The following GRK2 variants were observed in gnomAD, a reference collection of about 807,000 sequenced individuals.
The protein encoded by GRK2 is G protein-coupled receptor kinase 2.
A neutral mutation model predicts 97.8 loss-of-function variants in GRK2; 23 were observed. That is an observed-to-expected ratio of 0.24 (90% CI 0.17 to 0.33). The LOEUF (loss-of-function observed/expected upper bound fraction) is 0.33, where lower values mean the gene tolerates loss of function less well. Ranked by LOEUF, GRK2 falls within the 10% of genes least tolerant of loss-of-function variation. The pLI is 1.00. For missense variants in GRK2, 633 were observed against 956.9 expected, an observed-to-expected ratio of 0.66 and a Z score of 4.47; for synonymous variants, 425 against 381.7, an observed-to-expected ratio of 1.11 and a Z score of -1.32.
At position 67,282,215 on chromosome 11, in the gene GRK2, C is replaced by A; in HGVS notation, c.958-56C>A. ...AAGCAGTGACCCAGCTGGCATCTTG[C>A]CTGGCTGGGCCCCATCCTGAGCTGC... is the stretch of plus-strand genomic sequence containing the variant. On this transcript the variant is annotated intron_variant, in intron 11 of 20. Coordinates refer to ENST00000308595, the MANE Select transcript of GRK2 (RefSeq NM_001619.5). The surrounding 1 kb of genome is among the most constrained non-coding windows in gnomAD (Gnocchi z 6.9). 1 of 1,539,476 alleles carries A rather than the reference C, an allele frequency of 6.5e-7. No individual in the cohort carries two copies. Among genetic ancestry groups the A allele is most frequent in the South Asian group, 1.1e-5 (1 of 88,360 alleles).
intron 1 of GRK2, among the ~76,000 whole-genome samples, chr11:67,272,921 G>A (rs1859941849): frequency 6.6e-6 from 1 of 152,232 alleles, no homozygotes; most frequent in African/African-American, 2.4e-5. Context: ...GCAGAGGCTT[G>A]AGCAAGACCA....
At chr11:67,284,464 GC>G in intron 18 of GRK2, 91 bp downstream of exon 18, 3 of 1,441,532 alleles carry the variant, frequency 2.1e-6, no homozygotes, top group Non-Finnish European at 2.8e-6. Flanking sequence ...CTGGATCACA[GC>G]CAGAAAGTGG....
In GRK2 at chr11:67,286,088, C is replaced by G. The variant is rs1180777777; in HGVS notation, c.*638C>G. On this transcript the variant is annotated 3_prime_UTR_variant, in exon 21 of 21. Transcript: ENST00000308595. ...TTGGCAGCAGGTGCTGCTACCCTCC[C>G]TGCTGTCCCCTCTTGCCCCAACCCC... The G allele has an allele frequency of 7.9e-6, 3 of 380,292 alleles. No homozygotes were observed. Among genetic ancestry groups the G allele is most frequent in the East Asian group, 1.1e-4 (2 of 18,124 alleles). The allele number at this position is 380,292 out of a possible 1,614,324, so 23.6% of individuals were successfully genotyped here. A position where few individuals can be genotyped will look rare whatever the true frequency, so the allele number is the denominator to read the frequency against.
chr11:67,280,056 T>G (rs1404685686), intron 6 of GRK2, 156 bp downstream of exon 6: 1 of 709,142 alleles, frequency 1.4e-6, no homozygotes, highest in Non-Finnish European at 2.5e-6. Flanking sequence ...TCCTGAGAAG[T>G]CAGACAGGCT....
At chr11:67,267,589 C>T (rs1437421416) in intron 1 of GRK2, among the ~76,000 whole-genome samples, 1 of 152,240 alleles carries the variant, frequency 6.6e-6, no homozygotes, top group Non-Finnish European at 1.5e-5. Context: ...ACCAGGGGCC[C>T]TCCCAGCACA....
At position 67,285,609 on chromosome 11, in the gene GRK2, C is replaced by A; in HGVS notation, c.*159C>A. On this transcript the variant is annotated 3_prime_UTR_variant, in exon 21 of 21. Transcript: ENST00000308595. ...CGGGAGGGGCCCGCTTGCCTCGGCT[C>A]CTGCTGCACCAACCCAGCCGCTGCC... The A allele has an allele frequency of 1.1e-6, 1 of 938,112 alleles. No homozygotes were observed. Among genetic ancestry groups the A allele is most frequent in the Non-Finnish European group, 1.5e-6 (1 of 658,372 alleles). The allele number at this position is 938,112 out of a possible 1,614,324, so 58.1% of individuals were successfully genotyped here. A position where few individuals can be genotyped will look rare whatever the true frequency, so the allele number is the denominator to read the frequency against.
At position 67,269,289 on chromosome 11, in the gene GRK2, G is replaced by A. The variant is rs1859860428; in HGVS notation, c.113+2477G>A. Among the ~76,000 whole-genome samples the A allele has an allele frequency of 6.6e-6, 1 of 151,694 alleles. No individual in the cohort carries two copies. Among genetic ancestry groups the A allele is most frequent in the South Asian group, 2.1e-4 (1 of 4,830 alleles). On this transcript the variant is annotated intron_variant, in intron 1 of 20. Coordinates refer to ENST00000308595, the MANE Select transcript of GRK2 (RefSeq NM_001619.5). This position sits in a 1 kb window ranked among gnomAD's most constrained non-coding sequence, Gnocchi z 4.1. The stretch of plus-strand genomic sequence containing the variant: ...ACTCTGTTTTGTCCTTTTGACAACT[G>A]TGAGAGGCAGGCCCAGCAGTTAGGA...
At chr11:67,272,850 C>T (rs190334874) in intron 1 of GRK2, among the ~76,000 whole-genome samples, 158 of 152,356 alleles carry the variant, frequency 1.0e-3, no homozygotes, top group African/African-American at 3.6e-3. Flanking sequence ...CTCGGCTCAG[C>T]CCTGGCCACA....
Position 67,285,168 on chromosome 11 carries a change from C to T in GRK2, c.1885C>T (p.Gln629Ter). 1 of 1,613,558 alleles carries T rather than the reference C, an allele frequency of 6.2e-7. No homozygotes were observed. Among genetic ancestry groups the T allele is most frequent in the Non-Finnish European group, 8.5e-7 (1 of 1,179,952 alleles). The change falls in exon 20 of 21, where the codon CAG becomes TAG. Residue 629 changes from glutamine (Q) to a stop codon, truncating the protein, a stop_gained. Coordinates refer to ENST00000308595, the MANE Select transcript of GRK2 (RefSeq NM_001619.5). LOFTEE classifies it high-confidence loss of function. Reference sequence around the variant, plus strand: ...GCTCCTCAAGATCCGCGGTGGGAAACAGTTCATTTTGCAGTGCGATGTGAG... The same window carrying T: ...GCTCCTCAAGATCCGCGGTGGGAAATAGTTCATTTTGCAGTGCGATGTGAG... ...CLLLKIRGGKQFILQCDSDPE... is the reference protein window; with the variant it reads ...CLLLKIRGGK
At chr11:67,283,267 C>A in intron 15 of GRK2, 39 bp downstream of exon 15, 1 of 1,559,122 alleles carries the variant, frequency 6.4e-7, no homozygotes, top group Non-Finnish European at 8.8e-7. Context: ...GCTGGCTGTG[C>A]CCCCATGAGG....
chr11:67,281,311 C>T lies in GRK2; in HGVS notation c.647+127C>T. On this transcript the variant is annotated intron_variant, in intron 8 of 20. Coordinates refer to ENST00000308595, the MANE Select transcript of GRK2 (RefSeq NM_001619.5). This position sits in a 1 kb window ranked among gnomAD's most constrained non-coding sequence, Gnocchi z 5.7. ...CTCCTGTCTTGCCGTGCTGTTACCC[C>T]CGCAGGCTCCTCTGGCCCCAGCCCT... is the stretch of plus-strand genomic sequence containing the variant. The T allele has an allele frequency of 9.3e-7, 1 of 1,076,748 alleles. No homozygotes were observed. Among genetic ancestry groups the T allele is most frequent in the East Asian group, 2.5e-5 (1 of 39,640 alleles). 66.7% of individuals were successfully genotyped at this position (1,076,748 alleles called of 1,614,324 possible).
Position 67,283,864 on chromosome 11 carries a change from C to G in GRK2, c.1406C>G (p.Pro469Arg). The change falls in exon 17 of 21, where the codon CCG becomes CGG. Residue 469 changes from proline (P) to arginine (R), a missense_variant. Physicochemically the swap from Pro to Arg is moderately radical, Grantham distance 103. Around this residue, in one of 4 missense-constraint regions of GRK2, gnomAD observed 68 missense variants for 71.0 expected, o/e 0.96. Coordinates refer to ENST00000308595, the MANE Select transcript of GRK2 (RefSeq NM_001619.5). ...CCTGTTCTGCTGCAGTACCCTCCCCCGCTGATCCCCCCACGAGGGGAGGTG... is the reference window on the plus strand; with the variant it reads ...CCTGTTCTGCTGCAGTACCCTCCCCGGCTGATCCCCCCACGAGGGGAGGTG... ...QMVFLQKYPP[P>R]LIPPRGEVNA... 1 of 1,613,058 alleles carries G rather than the reference C, an allele frequency of 6.2e-7. No individual in the cohort carries two copies. Among genetic ancestry groups the G allele is most frequent in the Non-Finnish European group, 8.5e-7 (1 of 1,179,788 alleles).
rs772047949 is a variant in GRK2, at chr11:67,266,829, C to A, written c.113+17C>A. ...CGAGCCCAGGTGAGGAGAAGCTGCCCGCGGCCCCGGCCCGACCCCGCGGGC... is the reference window on the plus strand; with the variant it reads ...CGAGCCCAGGTGAGGAGAAGCTGCCAGCGGCCCCGGCCCGACCCCGCGGGC... On this transcript the variant is annotated intron_variant, in intron 1 of 20. Transcript: ENST00000308595. The A allele has an allele frequency of 4.1e-6, 5 of 1,219,982 alleles. No individual in the cohort carries two copies. In the South Asian group the frequency reaches 1.4e-4, roughly 33 times the overall value. 75.6% of individuals were successfully genotyped at this position (1,219,982 alleles called of 1,614,324 possible).
chr11:67,279,665 C>G lies in GRK2; in HGVS notation c.406C>G (p.Leu136Val). The G allele has an allele frequency of 6.2e-7, 1 of 1,613,624 alleles. No homozygotes were observed. Among genetic ancestry groups the G allele is most frequent in the East Asian group, 2.2e-5 (1 of 44,884 alleles). ...KSATEHVQGHLGKKQVPPDLF... is the reference protein window; with the variant it reads ...KSATEHVQGHVGKKQVPPDLF... ...TGCCACTGAGCATGTCCAAGGCCACCTGGGGAAGAAGCAGGTGCCTCCGGA... is the reference window on the plus strand; with the variant it reads ...TGCCACTGAGCATGTCCAAGGCCACGTGGGGAAGAAGCAGGTGCCTCCGGA... The change falls in exon 5 of 21, where the codon CTG becomes GTG. Residue 136 changes from leucine to valine, a missense_variant. This residue lies in a region of GRK2 where 193 missense variants were observed against 212.2 expected (regional missense o/e 0.91). Transcript: ENST00000308595.
At chr11:67,285,024 G>A (rs1224765978) in intron 19 of GRK2, 41 bp downstream of exon 19, 24 of 1,611,994 alleles carry the variant, frequency 1.5e-5, no homozygotes, top group Non-Finnish European at 2.0e-5. Flanking sequence ...GGGCTTCCGG[G>A]TGGCTGGCCG....
In GRK2 at chr11:67,284,851, C is replaced by T. The variant is rs115867067; in HGVS notation, c.1659C>T (p.Tyr553=). The T allele has an allele frequency of 2.0e-3, 3,278 of 1,612,526 alleles. 60 individuals carry two copies. In the African/African-American group the frequency reaches 0.039, roughly 19 times the overall value. Residue 553 remains tyrosine (Y), a synonymous_variant, in exon 19 of 21, where the codon TAC becomes TAT. Transcript: ENST00000308595. ...KNKQLGHEED[Y]ALGKDCIMHG... is the part of the protein sequence containing the mutation. Reference sequence around the variant, plus strand: ...CTCCTCTGTCTCTCGCCTCAGACTACGCCCTGGGCAAGGACTGCATCATGC... The same window carrying T: ...CTCCTCTGTCTCTCGCCTCAGACTATGCCCTGGGCAAGGACTGCATCATGC...
At position 67,282,520 on chromosome 11, in the gene GRK2, A is replaced by C; in HGVS notation, c.1138A>C (p.Met380Leu). ...SSADWFSLGC[M>L]LFKLLRGHSP... Reference sequence around the variant, plus strand: ...TGCCGACTGGTTCTCTCTGGGGTGCATGCTCTTCAAGTTGCTGCGGGGGTG... The same window carrying C: ...TGCCGACTGGTTCTCTCTGGGGTGCCTGCTCTTCAAGTTGCTGCGGGGGTG... The change falls in exon 13 of 21, where the codon ATG becomes CTG. Residue 380 changes from methionine to leucine, a missense_variant. By Grantham distance (15) the Met-to-Leu change is conservative. Transcript: ENST00000308595. This position sits in a 1 kb window ranked among gnomAD's most constrained non-coding sequence, Gnocchi z 6.9. 6.2e-7 allele frequency: 1 copy of C among 1,613,624 alleles called. No homozygotes were observed. Among genetic ancestry groups the C allele is most frequent in the Non-Finnish European group, 8.5e-7 (1 of 1,179,972 alleles).
At chr11:67,280,564 G>T in intron 6 of GRK2, 168 bp from the exon 7 acceptor site, 1 of 766,902 alleles carries the variant, frequency 1.3e-6, no homozygotes, top group Non-Finnish European at 2.2e-6. Flanking sequence ...TGCTGTGGGC[G>T]GGCAGGCCCT....
At chr11:67,272,743 T>G (rs1859936815) in intron 1 of GRK2, among the ~76,000 whole-genome samples, 1 of 152,234 alleles carries the variant, frequency 6.6e-6, no homozygotes, top group East Asian at 1.9e-4. Flanking sequence ...GAGCCCTTGA[T>G]ACTTTGGCAG....
Sources: allele counts gnomAD v4.1 joint callset (sites outside exome capture counted in the v4.1 genomes callset), GRCh38; gene constraint gnomAD v4.1.1; regional missense constraint gnomAD v4.1.1; non-coding constraint Gnocchi (gnomAD v3.1); transcripts MANE v1.5; gene names NCBI Gene and HGNC (gene_info 2026-07-23, HGNC 2026-07-21).